ACAA2: variants seen among roughly 807,000 people sequenced by gnomAD.
ACAA2 encodes the protein acetyl-CoA acyltransferase 2.
In ACAA2, 35 loss-of-function variants were observed where a neutral mutation model predicts 44.8. The ratio of observed to expected loss-of-function variants is 0.78; its 90% CI spans 0.60 to 1.04. The LOEUF is 1.04. Ranked by LOEUF, ACAA2 falls within the 50% of genes least tolerant of loss-of-function variation. ACAA2 has a pLI of 0.00. For synonymous variants in ACAA2, 142 were observed against 166.5 expected, an observed-to-expected ratio of 0.85 and a Z score of 1.13; for missense variants, 468 against 482.6, an observed-to-expected ratio of 0.97 and a Z score of 0.28.
At chr18:49,810,233 T>C (rs2023653894) in intron 1 of ACAA2, among the ~76,000 whole-genome samples, 1 of 152,174 alleles carries the variant, frequency 6.6e-6, no homozygotes, top group African/African-American at 2.4e-5. Flanking sequence ...TCAACTCTAA[T>C]AAACACCACA....
At chr18:49,806,581 A>C (rs2023612231) in intron 1 of ACAA2, among the ~76,000 whole-genome samples, 1 of 152,266 alleles carries the variant, frequency 6.6e-6, no homozygotes, top group Non-Finnish European at 1.5e-5. Context: ...ACAATGTTCC[A>C]TCTGCAATAT....
chr18:49,813,355 T>G lies in ACAA2; in HGVS notation c.16+114A>C, dbSNP rs190655981. 6.9e-3 allele frequency: 5,668 copies of G among 823,516 alleles called. 142 individuals are homozygous for G. The South Asian group carries it at 0.12, about 18-fold the overall frequency. 51.0% of individuals were successfully genotyped at this position (823,516 alleles called of 1,614,324 possible). A position where few individuals can be genotyped will look rare whatever the true frequency, so the allele number is the denominator to read the frequency against. ...CACGTCCGCTCCAAAACCGAGGAGGTTGAGTGAACTTCACCCCACGACCCC... is the reference window on the plus strand; with the variant it reads ...CACGTCCGCTCCAAAACCGAGGAGGGTGAGTGAACTTCACCCCACGACCCC... On this transcript the variant is annotated intron_variant, in intron 1 of 9. Transcript: ENST00000285093.
chr18:49,792,411 G>A (rs2023414339), intron 5 of ACAA2, 84 bp from the exon 6 acceptor site: 5 of 1,217,536 alleles, frequency 4.1e-6, no homozygotes, highest in South Asian at 1.5e-5. Context: ...TTTAATTTCT[G>A]ATCTACCTTT....
intron 2 of ACAA2, among the ~76,000 whole-genome samples, chr18:49,800,073 G>A (rs1019725601): frequency 4.5e-4 from 68 of 151,310 alleles, no homozygotes; most frequent in African/African-American, 1.6e-3. Context: ...CACGCCATCC[G>A]GGAGGGAGGT....
rs2023288157 is a variant in ACAA2 at position 49,783,360 on chromosome 18, T to C, written c.*487A>G. On this transcript the variant is annotated 3_prime_UTR_variant, in exon 10 of 10. Transcript: ENST00000285093. ...CTGAAAAAGTTCTGTTGATAAAAAG[T>C]GGGGATGTTTGTATAAAAATGTGAA... 1 of 152,512 alleles carries C rather than the reference T, an allele frequency of 6.6e-6. No individual in the cohort carries two copies. The highest frequency in any genetic ancestry group is 1.5e-5 in the Non-Finnish European group (1 of 68,210). The allele number at this position is 152,512 out of a possible 1,614,324, so 9.4% of individuals were successfully genotyped here.
At chr18:49,803,185 GAAGT>G (rs1430484176) in intron 1 of ACAA2, among the ~76,000 whole-genome samples, 4 of 151,008 alleles carry the variant, frequency 2.6e-5, no homozygotes, top group Non-Finnish European at 5.9e-5. Flanking sequence ...AAAAGAAACA[GAAGT>G]AAGATAAATA....
At chr18:49,805,392 G>C (rs1374874274) in intron 1 of ACAA2, among the ~76,000 whole-genome samples, 2 of 152,154 alleles carry the variant, frequency 1.3e-5, no homozygotes, top group East Asian at 3.8e-4. Context: ...GATCCACTCA[G>C]TTTTTTACAG....
intron 1 of ACAA2, among the ~76,000 whole-genome samples, chr18:49,810,748 T>C (rs913742018): frequency 1.3e-5 from 2 of 151,704 alleles, no homozygotes; most frequent in African/African-American, 2.4e-5. Flanking sequence ...AGTGCGGTAG[T>C]GTGATCTTGG....
chr18:49,811,961 A>G (rs186030038), intron 1 of ACAA2, among the ~76,000 whole-genome samples: 24 of 152,208 alleles, frequency 1.6e-4, no homozygotes, highest in African/African-American at 5.1e-4. Context: ...GGTCTGTATT[A>G]TAAGAAAGGG....
intron 1 of ACAA2, among the ~76,000 whole-genome samples, chr18:49,810,284 CATT>C (rs553108861): frequency 6.2e-4 from 94 of 152,318 alleles, no homozygotes; most frequent in Non-Finnish European, 1.0e-3. Flanking sequence ...CTTGGCACAT[CATT>C]GTCAAACTTT....
In ACAA2 at chr18:49,795,831, G is replaced by A. The variant is rs774699358; in HGVS notation, c.363C>T (p.Ser121=). 27 of 1,612,118 alleles carry A rather than the reference G, an allele frequency of 1.7e-5. No individual in the cohort carries two copies. The highest frequency in any genetic ancestry group is 2.3e-5 in the Non-Finnish European group (27 of 1,179,018). Residue 121 remains serine (S), a synonymous_variant, in exon 4 of 10, where the codon AGC becomes AGT. Coordinates refer to ENST00000285093, the MANE Select transcript of ACAA2 (RefSeq NM_006111.3). The part of the protein sequence containing the change: ...AEVVLCGGTE[S]MSQAPYCVRN... ...TGACACAGTAGGGAGCTTGGCTCAT[G>A]CTTTCGGTTCCTCCACATAAAACAA...
At chr18:49,785,533 C>G (rs528613449) in intron 8 of ACAA2, 182 bp from the exon 9 acceptor site, 1 of 609,058 alleles carries the variant, frequency 1.6e-6, no homozygotes, top group Non-Finnish European at 2.8e-6. Flanking sequence ...TGTATATTTA[C>G]TAAATAATAC....
intron 1 of ACAA2, among the ~76,000 whole-genome samples, chr18:49,803,879 G>C (rs1039201532): frequency 6.6e-6 from 1 of 151,206 alleles, no homozygotes; most frequent in African/African-American, 2.4e-5. Flanking sequence ...CAGTGTGCTG[G>C]TCATGGACAA....
chr18:49,794,463 C>T (rs945873309), intron 4 of ACAA2, 36 bp from the exon 5 acceptor site: 17 of 1,453,060 alleles, frequency 1.2e-5, no homozygotes, highest in Non-Finnish European at 1.5e-5. Context: ...CTTGTTAAGG[C>T]ATTTCCTTTT....
At chr18:49,786,478 A>G (rs536636927) in intron 8 of ACAA2, 12 of 152,242 alleles carry the variant, frequency 7.9e-5, no homozygotes, top group Non-Finnish European at 1.6e-4. Flanking sequence ...GTGATCTGCT[A>G]AAAGTGGAAG....
At chr18:49,789,224 T>C (rs556127790) in intron 7 of ACAA2, among the ~76,000 whole-genome samples, 1 of 152,290 alleles carries the variant, frequency 6.6e-6, no homozygotes, top group African/African-American at 2.4e-5. Flanking sequence ...GGGCTAAGGA[T>C]TGCTAGTCAT....
chr18:49,813,348 G>A (rs1598806047), intron 1 of ACAA2, 121 bp downstream of exon 1: 1 of 770,288 alleles, frequency 1.3e-6, no homozygotes, highest in Non-Finnish European at 1.8e-6. Context: ...CTCCAAAACC[G>A]AGGAGGTTGA....
chr18:49,795,340 T>A (rs560177116), intron 4 of ACAA2, among the ~76,000 whole-genome samples: 2 of 152,214 alleles, frequency 1.3e-5, no homozygotes, highest in Non-Finnish European at 2.9e-5. Context: ...TCTGTGATGA[T>A]GAAGAAATCT....
In ACAA2 at chr18:49,782,932, TGATG is replaced by T. The variant is rs1197518441; in HGVS notation, c.*911_*914del. The T allele has an allele frequency of 1.3e-5, 2 of 152,136 alleles. No individual in the cohort carries two copies. The highest frequency in any genetic ancestry group is 2.9e-5 in the Non-Finnish European group (2 of 68,030). 9.4% of individuals were successfully genotyped at this position (152,136 alleles called of 1,614,324 possible). On this transcript the variant is annotated 3_prime_UTR_variant, in exon 10 of 10. Coordinates refer to ENST00000285093, the MANE Select transcript of ACAA2 (RefSeq NM_006111.3). ...TTAATTAAAATTTCCAGTGGCTCTTTGATGAAGTTAACAAGAATAGGGCCTTGCC... is the reference window on the plus strand; with the variant it reads ...TTAATTAAAATTTCCAGTGGCTCTTTAAGTTAACAAGAATAGGGCCTTGCC...
Sources: gnomAD v4.1 joint callset for allele counts (sites outside exome capture counted in the v4.1 genomes callset) on GRCh38, gnomAD v4.1.1 for gene constraint, MANE v1.5 for transcripts, NCBI Gene and HGNC (gene_info 2026-07-23, HGNC 2026-07-21) for gene names.